The following GLIS3 variants were observed in gnomAD, a reference collection of about 807,000 sequenced individuals.
The protein encoded by GLIS3 is GLIS family zinc finger 3, also known as zinc finger protein GLIS3.
In GLIS3, 53 loss-of-function variants were observed where a neutral mutation model predicts 78.6. The observed-to-expected ratio is 0.67, with a 90% CI of 0.54 to 0.85. The LOEUF is 0.85. GLIS3 is among the 40% of genes least tolerant of loss of function. The probability of loss-of-function intolerance (pLI) is 0.00; values close to 1 mark genes in which losing one functional copy is unlikely to be tolerated. For missense variants in GLIS3, 1,703 were observed against 1,231.1 expected, an observed-to-expected ratio of 1.38 and a Z score of -5.74; for synonymous variants, 684 against 509.9, an observed-to-expected ratio of 1.34 and a Z score of -4.60.
intron 2 of GLIS3, among the ~76,000 whole-genome samples, chr9:4,214,378 T>C (rs1023728082): frequency 1.3e-5 from 2 of 152,224 alleles, no homozygotes; most frequent in African/African-American, 2.4e-5. Flanking sequence ...GATTACTTAG[T>C]GTCACAACAT....
intron 4 of GLIS3, among the ~76,000 whole-genome samples, chr9:3,993,321 A>G (rs571056201): frequency 6.6e-6 from 1 of 152,286 alleles, no homozygotes; most frequent in South Asian, 2.1e-4. Flanking sequence ...TAATCTTCTG[A>G]AGCCTGAAAT....
At chr9:3,974,055 A>G (rs1818581314) in intron 4 of GLIS3, among the ~76,000 whole-genome samples, 1 of 152,174 alleles carries the variant, frequency 6.6e-6, no homozygotes, top group African/African-American at 2.4e-5. Flanking sequence ...TATGGTACAA[A>G]TTCTCACTCA....
At chr9:3,863,443 G>C (rs1220409367) in intron 8 of GLIS3, among the ~76,000 whole-genome samples, 1 of 152,224 alleles carries the variant, frequency 6.6e-6, no homozygotes, top group Non-Finnish European at 1.5e-5. Flanking sequence ...GGCAGGACTG[G>C]GGCAGGGCAA....
At chr9:4,483,163 T>C in the GLIS3 span, among the ~76,000 whole-genome samples, 1 of 151,882 alleles carries the variant, frequency 6.6e-6, no homozygotes, top group African/African-American at 2.4e-5. Context: ...TCACTAGACA[T>C]CCCCCCAAAG....
chr9:4,368,360 A>ACGGAGT, the GLIS3 span, among the ~76,000 whole-genome samples: 1 of 142,414 alleles, frequency 7.0e-6, no homozygotes, highest in African/African-American at 2.7e-5. Context: ...TTTTTTGGAG[A>ACGGAGT]CGGAGTCTGA....
At chr9:4,313,713 T>G (rs950787634) in intron 2 of GLIS3, among the ~76,000 whole-genome samples, 1 of 152,230 alleles carries the variant, frequency 6.6e-6, no homozygotes, top group African/African-American at 2.4e-5. Flanking sequence ...ATGCCCTTCC[T>G]GGACCAGTCT....
intron 7 of GLIS3, among the ~76,000 whole-genome samples, chr9:3,898,101 A>T (rs556179905): frequency 1.3e-5 from 2 of 152,322 alleles, no homozygotes; most frequent in East Asian, 3.9e-4. Flanking sequence ...ATGGTATATT[A>T]ATCTTTTCTT....
At chr9:4,219,857 G>T (rs949977473) in intron 2 of GLIS3, among the ~76,000 whole-genome samples, 1 of 152,124 alleles carries the variant, frequency 6.6e-6, no homozygotes, top group African/African-American at 2.4e-5. Context: ...TGCTGAGAGA[G>T]CCTAGAAGCA....
rs555990744 is a variant in GLIS3 at position 4,171,120 on chromosome 9, G to A, written c.389-45179C>T. Among the ~76,000 whole-genome samples, 6 of 152,220 alleles carry A rather than the reference G, an allele frequency of 3.9e-5. No individual in the cohort carries two copies. In the East Asian group the frequency reaches 9.6e-4, roughly 24 times the overall value. On this transcript the variant is annotated intron_variant, in intron 2 of 10. Transcript: ENST00000381971. ...CCTGTAAGTCATATTTAGAATACCA[G>A]ACATTCACTTCTGAAATATTATCAG... is the stretch of plus-strand genomic sequence containing the variant.
At chr9:3,992,267 G>A (rs1485860358) in intron 4 of GLIS3, among the ~76,000 whole-genome samples, 1 of 152,050 alleles carries the variant, frequency 6.6e-6, no homozygotes, top group Non-Finnish European at 1.5e-5. Flanking sequence ...GTAATTTTTT[G>A]GGGAAAAAGT....
chr9:4,418,369 T>C, the GLIS3 span, among the ~76,000 whole-genome samples: 1 of 152,118 alleles, frequency 6.6e-6, no homozygotes. Context: ...ATTGCCCAAA[T>C]GGGTAGGTTA....
At chr9:3,917,877 A>G (rs1824626083) in intron 6 of GLIS3, among the ~76,000 whole-genome samples, 1 of 152,218 alleles carries the variant, frequency 6.6e-6, no homozygotes, top group South Asian at 2.1e-4. Context: ...CCTTTGCTAT[A>G]CAATGAAAAA....
In GLIS3 at chr9:4,229,551, C is replaced by T. The variant is rs149942179; in HGVS notation, c.388+56487G>A. Among the ~76,000 whole-genome samples, 390 of 152,192 alleles carry T rather than the reference C, an allele frequency of 2.6e-3. 2 individuals are homozygous for T. The highest frequency in any genetic ancestry group is 8.0e-3 in the African/African-American group (333 of 41,512). On this transcript the variant is annotated intron_variant, in intron 2 of 10. Coordinates refer to ENST00000381971, the MANE Select transcript of GLIS3 (RefSeq NM_001042413.2). Reference sequence around the variant, plus strand: ...GTTATCCTTAAACGTAAAGTATTCACGGTACATTTAAAAGTGCCCTGAAGC... The same window carrying T: ...GTTATCCTTAAACGTAAAGTATTCATGGTACATTTAAAAGTGCCCTGAAGC...
At chr9:4,111,821 C>G (rs1831236697) in intron 4 of GLIS3, among the ~76,000 whole-genome samples, 2 of 152,204 alleles carry the variant, frequency 1.3e-5, no homozygotes, top group Admixed American at 6.5e-5. Context: ...TTGGAAGCTA[C>G]ACTCACTCTG....
At chr9:4,405,093 G>A in the GLIS3 span, among the ~76,000 whole-genome samples, 2 of 152,138 alleles carry the variant, frequency 1.3e-5, no homozygotes, top group African/African-American at 2.4e-5. Flanking sequence ...AGTGGCTCAT[G>A]CCTGTAATCC....
the GLIS3 span, among the ~76,000 whole-genome samples, chr9:4,478,469 G>C: frequency 1.3e-5 from 2 of 151,918 alleles, no homozygotes; most frequent in African/African-American, 2.4e-5. Context: ...AAATTAGTTC[G>C]GCCTGGTGGC....
At chr9:4,180,811 G>A (rs1277732201) in intron 2 of GLIS3, among the ~76,000 whole-genome samples, 1 of 152,106 alleles carries the variant, frequency 6.6e-6, no homozygotes, top group African/African-American at 2.4e-5. Context: ...GTGTAGCAGA[G>A]GGCAAAATAC....
the GLIS3 span, among the ~76,000 whole-genome samples, chr9:4,442,334 T>C: frequency 6.6e-6 from 1 of 152,174 alleles, no homozygotes; most frequent in South Asian, 2.1e-4. Context: ...GTTTGGGTCT[T>C]CTCTTTTTCT....
chr9:4,409,882 T>C, the GLIS3 span, among the ~76,000 whole-genome samples: 3 of 152,188 alleles, frequency 2.0e-5, no homozygotes, highest in Admixed American at 6.5e-5. Flanking sequence ...ATCCCCCATA[T>C]CCAAATGCCT....
Sources: allele counts gnomAD v4.1 joint callset (sites outside exome capture counted in the v4.1 genomes callset), GRCh38; gene constraint gnomAD v4.1.1; transcripts MANE v1.5; gene names NCBI Gene and HGNC (gene_info 2026-07-23, HGNC 2026-07-21).